The following P4HA1 variants were observed in gnomAD, a reference collection of about 807,000 sequenced individuals.
P4HA1 encodes the protein prolyl 4-hydroxylase subunit alpha 1, also known as prolyl 4-hydroxylase subunit alpha-1.
Under a neutral mutation model 72.8 loss-of-function variants are expected in P4HA1, and 24 were observed. The ratio of observed to expected loss-of-function variants is 0.33; its 90% CI spans 0.24 to 0.46. P4HA1 has a LOEUF of 0.46. Ranked by LOEUF, P4HA1 falls within the 20% of genes least tolerant of loss-of-function variation. The probability of loss-of-function intolerance (pLI) is 1.00; values close to 1 mark genes in which losing one functional copy is unlikely to be tolerated. For synonymous variants in P4HA1, 201 were observed against 218.8 expected, an observed-to-expected ratio of 0.92 and a Z score of 0.72; for missense variants, 446 against 640.6, an observed-to-expected ratio of 0.70 and a Z score of 3.28.
chr10:73,009,833 C>T lies in P4HA1; in HGVS notation c.1508G>A (p.Cys503Tyr), dbSNP rs746261950. ...EGDYSTRHAA[C>Y]PVLVGNKWVS... ...CCATTTGTTGCCAACTAGCACTGGA[C>T]AGGCTGCATGCCGTGTACTATAATC... is the stretch of plus-strand genomic sequence containing the variant. Residue 503 changes from cysteine to tyrosine, a missense_variant, in exon 14 of 15, where the codon TGT becomes TAT. Cys to Tyr is a radical substitution (Grantham distance 194). Coordinates refer to ENST00000394890, the MANE Select transcript of P4HA1 (RefSeq NM_001017962.3). 1 of 1,605,602 alleles carries T rather than the reference C, an allele frequency of 6.2e-7. No homozygotes were observed. The highest frequency in any genetic ancestry group is 8.5e-7 in the Non-Finnish European group (1 of 1,172,268).
At chr10:73,096,509 C>T (rs1262078498) in intron 1 of P4HA1, among the ~76,000 whole-genome samples, 1 of 151,958 alleles carries the variant, frequency 6.6e-6, no homozygotes. Context: ...GAGGCTGCAG[C>T]AGCCCCAGCG....
At chr10:73,010,894 T>C in intron 13 of P4HA1, 75 bp downstream of exon 13, 1 of 1,018,010 alleles carries the variant, frequency 9.8e-7, no homozygotes, top group South Asian at 1.4e-5. Flanking sequence ...AATTCATTAA[T>C]TAGACCATGA....
intron 10 of P4HA1, among the ~76,000 whole-genome samples, chr10:73,027,877 G>GGAGGGAGGGAGA (rs1554838633): frequency 7.6e-6 from 1 of 131,232 alleles, no homozygotes; most frequent in Non-Finnish European, 1.6e-5. Flanking sequence ...AGAGAGGGAG[G>GGAGGGAGGGAGA]GAGGGAGGGA....
chr10:73,035,545 CTT>C (rs1321689135), intron 9 of P4HA1, among the ~76,000 whole-genome samples: 1 of 152,076 alleles, frequency 6.6e-6, no homozygotes, highest in African/African-American at 2.4e-5. Flanking sequence ...CCACCACAAA[CTT>C]TTAATTCCAG....
rs868029940 is a variant in P4HA1 at position 73,056,436 on chromosome 10, A to C, written c.464-2846T>G. On this transcript the variant is annotated intron_variant, in intron 5 of 14. Coordinates refer to ENST00000394890, the MANE Select transcript of P4HA1 (RefSeq NM_001017962.3). ...CACCTGAGGTCGGAAATTCGAGACC[A>C]GCCTGGCCAACATGGTGAAACCCTG... 1.1e-4 allele frequency among the ~76,000 whole-genome samples: 17 copies of C among 151,796 alleles called. 1 individual carries two copies. Among genetic ancestry groups the C allele is most frequent in the Middle Eastern group, 7.0e-3 (2 of 286 alleles).
In P4HA1 at chr10:73,045,024, T is replaced by C. The variant is rs201139791; in HGVS notation, c.1105A>G (p.Ile369Val). 4.5e-5 allele frequency: 72 copies of C among 1,613,728 alleles called. No individual in the cohort carries two copies. Among genetic ancestry groups the C allele is most frequent in the African/African-American group, 2.8e-4 (21 of 75,042 alleles). Residue 369 changes from isoleucine to valine, a missense_variant, in exon 9 of 15, where the codon ATA becomes GTA. Transcript: ENST00000394890. ...RLRRATISNP[I>V]TGDLETVHYR... ...TGTACCGTCTCCAAGTCTCCTGTTA[T>C]TGGGTTTGAAATGGTGGCTCGCCTC...
chr10:73,080,390 TG>T (rs1337279476), intron 1 of P4HA1, among the ~76,000 whole-genome samples: 1 of 152,240 alleles, frequency 6.6e-6, no homozygotes, highest in African/African-American at 2.4e-5. Context: ...CTGATAGTGC[TG>T]GCTGGGGGAT....
intron 9 of P4HA1, among the ~76,000 whole-genome samples, chr10:73,037,306 G>GT (rs1323357103): frequency 8.7e-6 from 1 of 115,442 alleles, no homozygotes; most frequent in Admixed American, 9.7e-5. Flanking sequence ...AGTTTCCGCT[G>GT]TTAAAAAAAA....
intron 10 of P4HA1, among the ~76,000 whole-genome samples, chr10:73,025,560 G>A (rs533562627): frequency 6.6e-6 from 1 of 152,130 alleles, no homozygotes; most frequent in Admixed American, 6.5e-5. Flanking sequence ...CACAAGACAA[G>A]GATACCCTCC....
chr10:73,040,039 A>C (rs1840696161), intron 9 of P4HA1, among the ~76,000 whole-genome samples: 1 of 151,068 alleles, frequency 6.6e-6, no homozygotes, highest in Admixed American at 6.6e-5. Context: ...TTTTTTTCTT[A>C]ATTTTTTGTA....
intron 7 of P4HA1, among the ~76,000 whole-genome samples, chr10:73,049,433 A>G (rs1423036371): frequency 6.6e-6 from 1 of 152,228 alleles, no homozygotes; most frequent in Non-Finnish European, 1.5e-5. Flanking sequence ...ACCACATGAA[A>G]TTCCTTTTCA....
intron 1 of P4HA1, among the ~76,000 whole-genome samples, chr10:73,092,519 TA>T (rs937919353): frequency 6.8e-6 from 1 of 147,088 alleles, no homozygotes. Flanking sequence ...CCCCCTTAAT[TA>T]AAAAAAAATT....
intron 5 of P4HA1, among the ~76,000 whole-genome samples, chr10:73,063,602 G>A (rs566131791): frequency 1.3e-5 from 2 of 152,326 alleles, no homozygotes; most frequent in South Asian, 2.1e-4. Flanking sequence ...CTGAGAAGAT[G>A]AGCTCATAAT....
chr10:73,045,062 A>T lies in P4HA1; in HGVS notation c.1078-11T>A. 1 of 1,611,492 alleles carries T rather than the reference A, an allele frequency of 6.2e-7. No homozygotes were observed. The highest frequency in any genetic ancestry group is 1.1e-5 in the South Asian group (1 of 90,880). ...GGTGGCTCGCCTCAGCTGTGAAGCC[A>T]ACCATCAAAATAGTTGCATTACAAA... On this transcript the variant is annotated splice_polypyrimidine_tract_variant and intron_variant, in intron 8 of 14. Coordinates refer to ENST00000394890, the MANE Select transcript of P4HA1 (RefSeq NM_001017962.3).
rs1403800604 is a variant in P4HA1, at chr10:73,008,092, G to C, written c.*130C>G. 2.0e-5 allele frequency: 11 copies of C among 540,634 alleles called. No homozygotes were observed. In the East Asian group the frequency reaches 3.0e-4, roughly 15 times the overall value. 33.5% of individuals were successfully genotyped at this position (540,634 alleles called of 1,614,324 possible). A position where few individuals can be genotyped will look rare whatever the true frequency, so the allele number is the denominator to read the frequency against. ...AAGCAATTGTCCACAGATGAAACAT[G>C]GGATGAGGTTCATGACTGAATCAAT... On this transcript the variant is annotated 3_prime_UTR_variant, in exon 15 of 15. Coordinates refer to ENST00000394890, the MANE Select transcript of P4HA1 (RefSeq NM_001017962.3).
intron 9 of P4HA1, among the ~76,000 whole-genome samples, chr10:73,036,947 A>G (rs1185743289): frequency 1.3e-5 from 2 of 152,134 alleles, no homozygotes; most frequent in East Asian, 1.9e-4. Flanking sequence ...AGATTAAATC[A>G]TAAGAAATCC....
At position 73,037,553 on chromosome 10, in the gene P4HA1, ATATATATATATATATATATTTT is replaced by A. The variant is rs1489812200; in HGVS notation, c.1149-7205_1149-7184del. The stretch of plus-strand genomic sequence containing the variant: ...TATATATATATATATATATATATAT[ATATATATATATATATATATTTT>A]TTTTTTTTTTTTTTTACAAAGGCAA... On this transcript the variant is annotated intron_variant, in intron 9 of 14. Transcript: ENST00000394890. 6.2e-4 allele frequency among the ~76,000 whole-genome samples: 20 copies of A among 32,196 alleles called. 2 individuals are homozygous for A. The highest frequency in any genetic ancestry group is 5.2e-3 in the South Asian group (5 of 966). The allele number at this position is 32,196 out of a possible 152,430, so 21.1% of individuals were successfully genotyped here.
intron 1 of P4HA1, among the ~76,000 whole-genome samples, chr10:73,084,545 C>T (rs1163852637): frequency 1.3e-5 from 2 of 152,150 alleles, no homozygotes; most frequent in Non-Finnish European, 2.9e-5. Context: ...CCAGGCTAGT[C>T]TCAAGCAGTC....
chr10:73,009,766 C>G (rs750242998), intron 14 of P4HA1, 41 bp downstream of exon 14: 1 of 1,182,660 alleles, frequency 8.5e-7, no homozygotes, highest in Non-Finnish European at 1.3e-6. Flanking sequence ...AAATAAGAAA[C>G]AAAAATTACA....
Sources: allele counts gnomAD v4.1 joint callset (sites outside exome capture counted in the v4.1 genomes callset), GRCh38; gene constraint gnomAD v4.1.1; transcripts MANE v1.5; gene names NCBI Gene and HGNC (gene_info 2026-07-23, HGNC 2026-07-21).